Variants in KLHL25 observed in about 807,000 individuals in gnomAD.
The protein encoded by KLHL25 is kelch like family member 25.
A neutral mutation model predicts 30.0 loss-of-function variants in KLHL25; 41 were observed. The ratio of observed to expected loss-of-function variants is 1.37; its 90% CI spans 1.07 to 1.78. KLHL25 has a LOEUF of 1.78. Among genes scored for constraint, KLHL25 ranks in the 40% most tolerant of loss-of-function variants. The pLI, the probability that KLHL25 is intolerant of heterozygous loss-of-function variation, is 0.00. For missense variants in KLHL25, 971 were observed against 824.5 expected (o/e 1.18, Z -2.18); for synonymous variants, 399 against 355.3 (o/e 1.12, Z -1.38).
chr15:85,780,272 G>A (rs1180760817), intron 1 of KLHL25, among the ~76,000 whole-genome samples: 1 of 152,214 alleles, frequency 6.6e-6, no homozygotes, highest in African/African-American at 2.4e-5. Context: ...AAAGAACTCA[G>A]CACTCAGGTT....
In KLHL25 at chr15:85,768,147, A is replaced by G. The variant is rs769099638; in HGVS notation, c.1664T>C (p.Leu555Pro). ...GYFGTQRCKTLDCYDPTSDTW... is the reference protein window; with the variant it reads ...GYFGTQRCKTPDCYDPTSDTW... ...ATCTGAAGTGGGGTCATAGCAGTCC[A>G]GAGTCTTACACCTCTGGGTCCCAAA... Residue 555 changes from leucine to proline, a missense_variant, in exon 2 of 3, where the codon CTG becomes CCG. Physicochemically the swap from Leu to Pro is moderately conservative, Grantham distance 98. Transcript: ENST00000337975. 1.2e-6 allele frequency: 2 copies of G among 1,614,236 alleles called. No homozygotes were observed. Among genetic ancestry groups the G allele is most frequent in the South Asian group, 1.1e-5 (1 of 91,088 alleles).
In KLHL25 at chr15:85,783,466, C is replaced by T. The variant is rs1210049779; in HGVS notation, c.-11+11300G>A. On this transcript the variant is annotated intron_variant, in intron 1 of 2. Transcript: ENST00000337975. The stretch of plus-strand genomic sequence containing the variant: ...CAGCACTTTGGGAGGCTGAGGTGGG[C>T]GGATCACCTGAGGTCAGGAATTCAA... 7.2e-5 allele frequency among the ~76,000 whole-genome samples: 11 copies of T among 151,910 alleles called. No homozygotes were observed. In the East Asian group the frequency reaches 1.4e-3, roughly 19 times the overall value.
intron 1 of KLHL25, among the ~76,000 whole-genome samples, chr15:85,783,607 G>A (rs904981665): frequency 4.0e-5 from 6 of 151,234 alleles, no homozygotes; most frequent in Admixed American, 1.3e-4. Flanking sequence ...CAGGACTATC[G>A]CTTGAACCCA....
At chr15:85,778,622 G>A (rs1326025310) in intron 1 of KLHL25, among the ~76,000 whole-genome samples, 1 of 152,226 alleles carries the variant, frequency 6.6e-6, no homozygotes, top group Non-Finnish European at 1.5e-5. Flanking sequence ...TGCTGAGTCT[G>A]TTCCCACAAC....
intron 1 of KLHL25, among the ~76,000 whole-genome samples, chr15:85,781,022 C>A (rs2089739422): frequency 6.6e-6 from 1 of 150,736 alleles, no homozygotes; most frequent in Non-Finnish European, 1.5e-5. Flanking sequence ...AGTGGAGTTC[C>A]ACACAGCTAT....
chr15:85,763,196 T>C (rs1451640430), intron 2 of KLHL25: 2 of 152,498 alleles, frequency 1.3e-5, no homozygotes, highest in East Asian at 3.9e-4. Context: ...TGCTATCCCC[T>C]AGGCTGTGGA....
intron 1 of KLHL25, among the ~76,000 whole-genome samples, chr15:85,781,941 G>C (rs754374947): frequency 2.0e-5 from 3 of 152,030 alleles, no homozygotes; most frequent in Non-Finnish European, 4.4e-5. Flanking sequence ...GCTGGACCCA[G>C]TACCCTCTCA....
In KLHL25 at chr15:85,791,214, T is replaced by A. The variant is rs1450091989; in HGVS notation, c.-11+3552A>T. ...AGTCTCAAAAAAAAAAAAAGAAAAA[T>A]GCCAGGCACAGTGGCTCATGCCTGT... is the stretch of plus-strand genomic sequence containing the variant. On this transcript the variant is annotated intron_variant, in intron 1 of 2. Coordinates refer to ENST00000337975, the MANE Select transcript of KLHL25 (RefSeq NM_022480.4). Among the ~76,000 whole-genome samples the A allele has an allele frequency of 1.5e-3, 109 of 70,528 alleles. 4 individuals are homozygous for A. Among genetic ancestry groups the A allele is most frequent in the African/African-American group, 1.5e-3 (34 of 22,288 alleles). 46.3% of individuals were successfully genotyped at this position (70,528 alleles called of 152,430 possible).
intron 1 of KLHL25, among the ~76,000 whole-genome samples, chr15:85,785,432 G>A (rs1382044757): frequency 1.3e-5 from 2 of 152,176 alleles, no homozygotes; most frequent in African/African-American, 2.4e-5. Context: ...AGCAGAGTGG[G>A]TAGTATAGAG....
intron 1 of KLHL25, among the ~76,000 whole-genome samples, chr15:85,777,276 C>A (rs1191821407): frequency 6.6e-6 from 1 of 152,240 alleles, no homozygotes; most frequent in Non-Finnish European, 1.5e-5. Context: ...TAGCACAGAA[C>A]CACAGCCCTT....
intron 1 of KLHL25, among the ~76,000 whole-genome samples, chr15:85,786,262 C>T (rs2089780667): frequency 6.6e-6 from 1 of 152,184 alleles, no homozygotes; most frequent in Non-Finnish European, 1.5e-5. Flanking sequence ...TGGCTGGGAT[C>T]ACAGGAGCCT....
At chr15:85,764,224 G>C (rs547644235) in intron 2 of KLHL25, 126 of 152,464 alleles carry the variant, frequency 8.3e-4, no homozygotes, top group African/African-American at 2.9e-3. Context: ...TGCCTTTGAA[G>C]AGAACTCGGA....
intron 1 of KLHL25, among the ~76,000 whole-genome samples, chr15:85,785,935 G>C (rs2089777896): frequency 6.6e-6 from 1 of 151,944 alleles, no homozygotes; most frequent in Admixed American, 6.6e-5. Context: ...ATGGCAGTGG[G>C]ACAGGAGCCC....
chr15:85,767,642 T>C (rs2089633652), intron 2 of KLHL25, among the ~76,000 whole-genome samples: 1 of 152,222 alleles, frequency 6.6e-6, no homozygotes, highest in East Asian at 1.9e-4. Context: ...GCCCCCTTTG[T>C]TGCACCTGGT....
Position 85,768,399 on chromosome 15 carries a change from C to T in KLHL25, c.1412G>A (p.Arg471Lys). Reference protein sequence around the residue: ...KVQCYDPSENRWTIKAECPQP... With the variant: ...KVQCYDPSENKWTIKAECPQP... ...GGGGCACTCGGCCTTGATCGTCCAC[C>T]TGTTCTCCGAGGGGTCATAGCACTG... The change falls in exon 2 of 3, where the codon AGG (arginine) becomes AAG (lysine). Residue 471 changes from arginine (R) to lysine (K), a missense_variant. Arg to Lys is a conservative substitution (Grantham distance 26). Coordinates refer to ENST00000337975, the MANE Select transcript of KLHL25 (RefSeq NM_022480.4). The T allele has an allele frequency of 3.7e-6, 6 of 1,613,686 alleles. No individual in the cohort carries two copies. The highest frequency in any genetic ancestry group is 2.2e-5 in the South Asian group (2 of 91,074).
chr15:85,792,020 C>G (rs1321838785), intron 1 of KLHL25, among the ~76,000 whole-genome samples: 3 of 152,192 alleles, frequency 2.0e-5, no homozygotes, highest in Non-Finnish European at 1.5e-5. Flanking sequence ...TCTAACAGCC[C>G]CAGAAGGACC....
intron 1 of KLHL25, among the ~76,000 whole-genome samples, chr15:85,792,869 C>T (rs186088703): frequency 7.8e-4 from 119 of 152,260 alleles, no homozygotes; most frequent in Non-Finnish European, 1.5e-3. Flanking sequence ...TCTATCACTA[C>T]GATGTGTCAG....
At chr15:85,774,234 T>G (rs1220558242) in intron 1 of KLHL25, among the ~76,000 whole-genome samples, 1 of 152,192 alleles carries the variant, frequency 6.6e-6, no homozygotes, top group Non-Finnish European at 1.5e-5. Flanking sequence ...ATTGTTCTCA[T>G]GACCTAAGCG....
chr15:85,768,099 A>G lies in KLHL25; in HGVS notation c.1712T>C (p.Val571Ala). 2 of 1,614,212 alleles carry G rather than the reference A, an allele frequency of 1.2e-6. No homozygotes were observed. The highest frequency in any genetic ancestry group is 1.7e-6 in the Non-Finnish European group (2 of 1,180,040). Residue 571 changes from valine to alanine, a missense_variant, in exon 2 of 3, where the codon GTG (valine) becomes GCG (alanine). By Grantham distance (64) the Val-to-Ala change is moderately conservative (BLOSUM62 0). Coordinates refer to ENST00000337975, the MANE Select transcript of KLHL25 (RefSeq NM_022480.4). The part of the protein sequence containing the change: ...TSDTWNCITT[V>A]PYSLIPTAFV... ...GGCCGTGGGGATAAGTGAGTAGGGC[A>G]CTGTGGTGATGCAGTTCCATGTATC...
Sources: gnomAD v4.1 joint callset for allele counts (sites outside exome capture counted in the v4.1 genomes callset) on GRCh38, gnomAD v4.1.1 for gene constraint, MANE v1.5 for transcripts, NCBI Gene and HGNC (gene_info 2026-07-23, HGNC 2026-07-21) for gene names.